Variants in CSMD3 observed in about 807,000 individuals in gnomAD.
CSMD3 encodes CUB and Sushi multiple domains 3.
In CSMD3, 177 loss-of-function variants were observed where a neutral mutation model predicts 435.2. The observed-to-expected ratio is 0.41, with a 90% CI of 0.36 to 0.46. The LOEUF (loss-of-function observed/expected upper bound fraction) is 0.46, where lower values mean the gene tolerates loss of function less well. Among genes scored for constraint, CSMD3 ranks in the 20% least tolerant of loss-of-function variants. The pLI, the probability that CSMD3 is intolerant of heterozygous loss-of-function variation, is 0.34. For synonymous variants in CSMD3, 1,656 were observed against 1,520.5 expected, an observed-to-expected ratio of 1.09 and a Z score of -2.07; for missense variants, 4,265 against 4,504.6, an observed-to-expected ratio of 0.95 and a Z score of 1.52.
Position 112,408,361 on chromosome 8 carries a change from T to A in CSMD3, c.5562A>T (p.Ser1854=). The change falls in exon 34 of 71, where the codon TCA becomes TCT. Residue 1854 remains serine, a synonymous_variant. Coordinates refer to ENST00000297405, the MANE Select transcript of CSMD3 (RefSeq NM_198123.2). ...ATCCCTTAGCTGTTATTGGTCCAAC[T>A]GAAGTAAATCGAATTGTGATCTGAT... ...SGNQITIRFT[S]VGPITAKGFH... 1 of 1,612,210 alleles carries A rather than the reference T, an allele frequency of 6.2e-7. No individual in the cohort carries two copies. The highest frequency in any genetic ancestry group is 8.5e-7 in the Non-Finnish European group (1 of 1,178,648).
chr8:112,463,922 T>A (rs1817691065), intron 32 of CSMD3, among the ~76,000 whole-genome samples: 1 of 152,120 alleles, frequency 6.6e-6, no homozygotes, highest in South Asian at 2.1e-4. Context: ...TAAAAGAAGA[T>A]GACTCACTAA....
At chr8:112,907,075 T>A (rs2082283140) in intron 10 of CSMD3, among the ~76,000 whole-genome samples, 1 of 151,508 alleles carries the variant, frequency 6.6e-6, no homozygotes, top group South Asian at 2.1e-4. Flanking sequence ...AAGGAAGAAC[T>A]TTTCAAAGGA....
chr8:112,968,560 A>G (rs1161578899), intron 7 of CSMD3, among the ~76,000 whole-genome samples: 1 of 151,940 alleles, frequency 6.6e-6, no homozygotes, highest in Non-Finnish European at 1.5e-5. Flanking sequence ...AACCTATGCC[A>G]GAGGACAGAT....
chr8:112,889,841 G>A (rs757709490), intron 10 of CSMD3, among the ~76,000 whole-genome samples: 6 of 151,490 alleles, frequency 4.0e-5, no homozygotes, highest in African/African-American at 1.2e-4. Context: ...CTCCAGACTT[G>A]TAAGACAATA....
chr8:113,364,074 T>G (rs1453961340), intron 1 of CSMD3, among the ~76,000 whole-genome samples: 2 of 152,152 alleles, frequency 1.3e-5, no homozygotes, highest in African/African-American at 2.4e-5. Flanking sequence ...TAAATTTATT[T>G]TTAATATGGA....
chr8:113,339,789 T>G (rs2094104884), intron 1 of CSMD3, among the ~76,000 whole-genome samples: 1 of 151,978 alleles, frequency 6.6e-6, no homozygotes, highest in South Asian at 2.1e-4. Flanking sequence ...TTGGACAAGT[T>G]ATTAGGTGAA....
At chr8:112,970,266 G>T (rs1168216869) in intron 7 of CSMD3, among the ~76,000 whole-genome samples, 1 of 151,484 alleles carries the variant, frequency 6.6e-6, no homozygotes, top group Non-Finnish European at 1.5e-5. Context: ...AGGGTTTAGG[G>T]ATTATTGAAA....
At chr8:113,373,939 G>A (rs2094362406) in intron 1 of CSMD3, among the ~76,000 whole-genome samples, 1 of 152,040 alleles carries the variant, frequency 6.6e-6, no homozygotes, top group South Asian at 2.1e-4. Flanking sequence ...TCACTTCTGT[G>A]AAGCCACAAT....
intron 7 of CSMD3, among the ~76,000 whole-genome samples, chr8:112,965,446 GGT>G: frequency 6.6e-6 from 1 of 151,704 alleles, no homozygotes; most frequent in Admixed American, 6.6e-5. Flanking sequence ...AACGGTTACA[GGT>G]GAAAAAAACA....
rs762750672 is a variant in CSMD3 at position 112,337,689 on chromosome 8, T to C, written c.6695A>G (p.Asn2232Ser). 6.2e-7 allele frequency: 1 copy of C among 1,613,726 alleles called. No individual in the cohort carries two copies. The highest frequency in any genetic ancestry group is 8.5e-7 in the Non-Finnish European group (1 of 1,179,760). The change falls in exon 43 of 71, where the codon AAT becomes AGT. Residue 2232 changes from asparagine to serine, a missense_variant. Asn to Ser is a conservative substitution (Grantham distance 46). This residue lies in a region of CSMD3 where 3,255 missense variants were observed against 3,380.2 expected (regional missense o/e 0.96). Transcript: ENST00000297405. ...AAAATCATTACCAATTACAAAACCA[T>C]TTCGAAACGGGCGTGGATCAGGACA... ...QSCPDPRPFR[N>S]GFVIGNDFTV...
At chr8:113,403,176 A>T (rs1294665803) in intron 1 of CSMD3, among the ~76,000 whole-genome samples, 2 of 151,274 alleles carry the variant, frequency 1.3e-5, no homozygotes, top group Non-Finnish European at 3.0e-5. Context: ...GTAGTTTTTT[A>T]TATATATTTT....
chr8:112,671,148 A>T lies in CSMD3; in HGVS notation c.2678-4733T>A, dbSNP rs145597061. 1.4e-4 allele frequency among the ~76,000 whole-genome samples: 22 copies of T among 152,252 alleles called. No individual in the cohort carries two copies. In the East Asian group the frequency reaches 4.1e-3, roughly 28 times the overall value. On this transcript the variant is annotated intron_variant, in intron 16 of 70. Transcript: ENST00000297405. Reference sequence around the variant, plus strand: ...ATAGTTTATATCTCAGTTGACTGAGATAAACTTTAGTTTAACTAAATTTAG... The same window carrying T: ...ATAGTTTATATCTCAGTTGACTGAGTTAAACTTTAGTTTAACTAAATTTAG...
At chr8:112,378,539 C>T (rs1022743726) in intron 38 of CSMD3, among the ~76,000 whole-genome samples, 20 of 152,094 alleles carry the variant, frequency 1.3e-4, no homozygotes, top group Non-Finnish European at 2.9e-5. Flanking sequence ...GAGGATGTTA[C>T]GTTAAGTGAA....
At chr8:112,791,821 T>C (rs1327792771) in intron 13 of CSMD3, among the ~76,000 whole-genome samples, 1 of 152,186 alleles carries the variant, frequency 6.6e-6, no homozygotes, top group Non-Finnish European at 1.5e-5. Flanking sequence ...AAAATGGTTA[T>C]ACCATTTTTA....
At chr8:112,283,556 T>C (rs1818877628) in intron 58 of CSMD3, among the ~76,000 whole-genome samples, 1 of 151,646 alleles carries the variant, frequency 6.6e-6, no homozygotes, top group African/African-American at 2.4e-5. Flanking sequence ...GTATAGAGTA[T>C]ACAACAGTGA....
intron 11 of CSMD3, among the ~76,000 whole-genome samples, chr8:112,844,116 A>G (rs1362484770): frequency 6.6e-6 from 1 of 151,942 alleles, no homozygotes; most frequent in Non-Finnish European, 1.5e-5. Flanking sequence ...TAATAGGAGG[A>G]TTAAGTGAGA....
chr8:113,161,936 C>G (rs759016074), intron 4 of CSMD3, among the ~76,000 whole-genome samples: 2 of 152,088 alleles, frequency 1.3e-5, no homozygotes, highest in Non-Finnish European at 2.9e-5. Flanking sequence ...ACACGTTATA[C>G]ATGACTAAAT....
chr8:113,212,365 A>T (rs190680509), intron 3 of CSMD3, among the ~76,000 whole-genome samples: 1 of 152,276 alleles, frequency 6.6e-6, no homozygotes, highest in Non-Finnish European at 1.5e-5. Context: ...ATATACAATA[A>T]GTACAAGTTT....
At chr8:112,674,082 T>A (rs2131740734) in intron 16 of CSMD3, among the ~76,000 whole-genome samples, 1 of 152,212 alleles carries the variant, frequency 6.6e-6, no homozygotes, top group African/African-American at 2.4e-5. Context: ...AACTGTTATC[T>A]CATTCTCTCC....
Sources: gnomAD v4.1 joint callset for allele counts (sites outside exome capture counted in the v4.1 genomes callset) on GRCh38, gnomAD v4.1.1 for gene constraint, gnomAD v4.1.1 regional missense constraint, MANE v1.5 for transcripts, NCBI Gene and HGNC (gene_info 2026-07-23, HGNC 2026-07-21) for gene names.